The following SIMC1 variants were observed in gnomAD, a reference collection of about 807,000 sequenced individuals.
SIMC1 encodes SUMO interacting motifs containing 1.
SIMC1 carries 55 observed loss-of-function variants against 82.3 expected under a neutral mutation model. The observed-to-expected ratio is 0.67, with a 90% confidence interval of 0.54 to 0.84. The LOEUF is 0.84. Ranked by LOEUF, SIMC1 falls within the 40% of genes least tolerant of loss-of-function variation. The pLI is 0.00. For synonymous variants in SIMC1, 353 were observed against 426.3 expected (o/e 0.83, Z 2.12); for missense variants, 915 against 1,107.2 (o/e 0.83, Z 2.46).
At chr5:176,244,960 A>AT (rs940655159) in intron 1 of SIMC1, among the ~76,000 whole-genome samples, 10 of 151,826 alleles carry the variant, frequency 6.6e-5, no homozygotes, top group Non-Finnish European at 1.0e-4. Context: ...ACCTCAAGTG[A>AT]TCCACCCACC....
chr5:176,270,532 C>T (rs895064791), intron 1 of SIMC1: 4 of 152,120 alleles, frequency 2.6e-5, no homozygotes, highest in African/African-American at 9.7e-5. Context: ...TGAGCAATCA[C>T]AGTACCTGGT....
At chr5:176,343,720 T>C (rs1044544109) in intron 9 of SIMC1, among the ~76,000 whole-genome samples, 1 of 152,192 alleles carries the variant, frequency 6.6e-6, no homozygotes, top group Non-Finnish European at 1.5e-5. Flanking sequence ...CTCCTAAGCG[T>C]AAGGATATTG....
chr5:176,245,089 TA>T (rs890608395), intron 1 of SIMC1, among the ~76,000 whole-genome samples: 17 of 152,322 alleles, frequency 1.1e-4, no homozygotes, highest in African/African-American at 4.1e-4. Context: ...CTGTATCTCC[TA>T]AAAAGATGTG....
intron 4 of SIMC1, among the ~76,000 whole-genome samples, chr5:176,305,755 TGAG>T (rs1166669387): frequency 4.8e-5 from 2 of 41,666 alleles, no homozygotes; most frequent in Admixed American, 2.3e-4. Context: ...GGGAGGGAGG[TGAG>T]GGGGTCAGCC....
At chr5:176,286,040 C>T (rs1382627940) in intron 1 of SIMC1, among the ~76,000 whole-genome samples, 1 of 152,132 alleles carries the variant, frequency 6.6e-6, no homozygotes, top group African/African-American at 2.4e-5. Flanking sequence ...GAATCAATAT[C>T]GTGAAAATGG....
At chr5:176,253,402 C>T (rs923833228) in intron 1 of SIMC1, among the ~76,000 whole-genome samples, 5 of 151,972 alleles carry the variant, frequency 3.3e-5, no homozygotes, top group South Asian at 4.1e-4. Flanking sequence ...TTAGTAGAGA[C>T]GGAGTTTTGC....
At position 176,303,566 on chromosome 5, in the gene SIMC1, C is replaced by T. The variant is rs541939543; in HGVS notation, c.1734+7246C>T. Among the ~76,000 whole-genome samples, 173 of 152,112 alleles carry T rather than the reference C, an allele frequency of 1.1e-3. 1 individual carries two copies. Among genetic ancestry groups the T allele is most frequent in the Non-Finnish European group, 7.2e-4 (49 of 67,980 alleles). ...AACTCCCGACCTCAGATGATCCGCC[C>T]GCCTCGGCCTCCCGAAGTGCTGGGA... On this transcript the variant is annotated intron_variant, in intron 4 of 9. Coordinates refer to ENST00000429602, the MANE Select transcript of SIMC1 (RefSeq NM_001308195.2).
intron 1 of SIMC1, among the ~76,000 whole-genome samples, chr5:176,255,935 C>T (rs1347151566): frequency 3.9e-5 from 6 of 151,970 alleles, no homozygotes; most frequent in South Asian, 2.1e-4. Context: ...AAAGATATAC[C>T]GTCTCAAGGA....
intron 1 of SIMC1, among the ~76,000 whole-genome samples, chr5:176,262,769 C>T (rs537726922): frequency 1.8e-4 from 27 of 152,202 alleles, no homozygotes; most frequent in East Asian, 3.9e-4. Context: ...TGCACCACTG[C>T]GCCCCAGCCT....
In SIMC1 at chr5:176,315,413, C is replaced by T. The variant is rs10071472; in HGVS notation, c.1889+1568C>T. On this transcript the variant is annotated intron_variant, in intron 5 of 9. Transcript: ENST00000429602. Reference sequence around the variant, plus strand: ...TGACCCAAACATCTTCCACTAAGCCCATCTCCAACACTGGAGATCACACCA... The same window carrying T: ...TGACCCAAACATCTTCCACTAAGCCTATCTCCAACACTGGAGATCACACCA... Among the ~76,000 whole-genome samples, 138 of 152,248 alleles carry T rather than the reference C, an allele frequency of 9.1e-4. 1 individual carries two copies. Among genetic ancestry groups the T allele is most frequent in the African/African-American group, 3.2e-3 (133 of 41,544 alleles).
At chr5:176,251,208 A>T (rs1761639177) in intron 1 of SIMC1, among the ~76,000 whole-genome samples, 1 of 152,138 alleles carries the variant, frequency 6.6e-6, no homozygotes, top group African/African-American at 2.4e-5. Flanking sequence ...AAAAATACAC[A>T]AATTAGCTAG....
chr5:176,306,284 G>C (rs1362145546), intron 4 of SIMC1, among the ~76,000 whole-genome samples: 2 of 133,944 alleles, frequency 1.5e-5, no homozygotes, highest in Non-Finnish European at 1.7e-5. Context: ...GTCCGGGAGG[G>C]AGGTGGGGGG....
intron 4 of SIMC1, among the ~76,000 whole-genome samples, chr5:176,304,957 C>G (rs1764234488): frequency 8.3e-6 from 1 of 121,080 alleles, no homozygotes; most frequent in Non-Finnish European, 1.8e-5. Context: ...TGGCAACCAC[C>G]CCGTCTGAGA....
chr5:176,283,549 G>A (rs1178251489), intron 1 of SIMC1, among the ~76,000 whole-genome samples: 1 of 152,172 alleles, frequency 6.6e-6, no homozygotes, highest in African/African-American at 2.4e-5. Context: ...AGGAAGAACC[G>A]TTAGCAGCCA....
At chr5:176,287,145 T>C (rs1478215846) in intron 1 of SIMC1, among the ~76,000 whole-genome samples, 3 of 152,268 alleles carry the variant, frequency 2.0e-5, no homozygotes, top group Non-Finnish European at 2.9e-5. Context: ...ACCCAAAGGA[T>C]TATAAATCAT....
At chr5:176,296,444 G>A (rs1763821354) in intron 4 of SIMC1, 124 bp downstream of exon 4, 2 of 1,515,616 alleles carry the variant, frequency 1.3e-6, no homozygotes, top group South Asian at 1.2e-5. Flanking sequence ...CAGGAGGACA[G>A]TTTGAGCCCA....
rs763789255 is a variant in SIMC1, at chr5:176,345,187, C to G, written c.2418C>G (p.His806Gln). The change falls in exon 10 of 10, where the codon CAC becomes CAG. Residue 806 changes from histidine (H) to glutamine (Q), a missense_variant. By Grantham distance (24) the His-to-Gln change is conservative. This residue lies in a region of SIMC1 where 902 missense variants were observed against 1,040.3 expected (regional missense o/e 0.87). Coordinates refer to ENST00000429602, the MANE Select transcript of SIMC1 (RefSeq NM_001308195.2). ...LSSYQHVLRE[H>Q]LRSSVIDRKD... ...TGACTTTTTTCCCTCTTGCAGAACA[C>G]TTAAGGAGTTCCGTGATCGACCGAA... 6 of 1,613,572 alleles carry G rather than the reference C, an allele frequency of 3.7e-6. No homozygotes were observed. The African/African-American group carries it at 8.0e-5, about 22-fold the overall frequency.
At chr5:176,311,131 T>TA (rs1211093041) in intron 4 of SIMC1, among the ~76,000 whole-genome samples, 2 of 152,228 alleles carry the variant, frequency 1.3e-5, no homozygotes, top group Non-Finnish European at 2.9e-5. Flanking sequence ...GGAAATGTTC[T>TA]AAAAAGTAGA....
At chr5:176,322,694 G>T (rs1476632719) in intron 6 of SIMC1, 3 of 353,250 alleles carry the variant, frequency 8.5e-6, no homozygotes, top group Admixed American at 8.2e-5. Context: ...AGAGGACACT[G>T]CCCTTCACTT....
Sources: gnomAD v4.1 joint callset for allele counts (sites outside exome capture counted in the v4.1 genomes callset) on GRCh38, gnomAD v4.1.1 for gene constraint, gnomAD v4.1.1 regional missense constraint, MANE v1.5 for transcripts, NCBI Gene and HGNC (gene_info 2026-07-23, HGNC 2026-07-21) for gene names.